TAPT1: variants seen among roughly 807,000 people sequenced by gnomAD.
TAPT1 encodes the protein transmembrane anterior posterior transformation protein 1 homolog.
TAPT1 carries 28 observed loss-of-function variants against 65.6 expected under a neutral mutation model. That is an observed-to-expected ratio of 0.43 (90% CI 0.32 to 0.59). TAPT1 has a LOEUF of 0.59. TAPT1 is among the 20% of genes least tolerant of loss of function. The pLI is 0.09. For synonymous variants in TAPT1, 278 were observed against 245.2 expected, an observed-to-expected ratio of 1.13 and a Z score of -1.25; for missense variants, 563 against 679.9, an observed-to-expected ratio of 0.83 and a Z score of 1.91.
intron 7 of TAPT1, among the ~76,000 whole-genome samples, chr4:16,181,959 ATGAAGGATG>A (rs1449510905): frequency 6.6e-6 from 1 of 152,252 alleles, no homozygotes; most frequent in African/African-American, 2.4e-5. Flanking sequence ...ATTTTATAAG[ATGAAGGATG>A]TGAAGGATGG....
At chr4:16,200,806 GA>G (rs762862190) in intron 3 of TAPT1, among the ~76,000 whole-genome samples, 4 of 152,162 alleles carry the variant, frequency 2.6e-5, no homozygotes, top group Non-Finnish European at 5.9e-5. Context: ...AGTGATAAAA[GA>G]AAATAGTTTA....
chr4:16,217,053 C>T (rs1416368523), intron 1 of TAPT1, among the ~76,000 whole-genome samples: 1 of 152,190 alleles, frequency 6.6e-6, no homozygotes, highest in Non-Finnish European at 1.5e-5. Flanking sequence ...AATGGGTTCA[C>T]ACTGCTCCTT....
intron 2 of TAPT1, among the ~76,000 whole-genome samples, chr4:16,204,112 A>G (rs1165398744): frequency 6.6e-6 from 1 of 152,222 alleles, no homozygotes; most frequent in Non-Finnish European, 1.5e-5. Flanking sequence ...TTACTCTCCT[A>G]TCACTGAGAA....
intron 13 of TAPT1, 78 bp from the exon 14 acceptor site, chr4:16,163,615 G>T: frequency 8.2e-7 from 1 of 1,218,278 alleles, no homozygotes; most frequent in Non-Finnish European, 1.1e-6. Flanking sequence ...CCAATACAGT[G>T]GTGCTGAAAA....
chr4:16,213,686 T>C (rs1028167557), intron 2 of TAPT1, 82 bp downstream of exon 2: 2 of 1,226,520 alleles, frequency 1.6e-6, no homozygotes, highest in Non-Finnish European at 2.2e-6. Context: ...AACTCAACTC[T>C]AGCTGTTGAC....
rs183997261 is a variant in TAPT1 at position 16,161,468 on chromosome 4, G to A, written c.*1840C>T. Reference sequence around the variant, plus strand: ...AGCGCAGTAACAGAATAATTCAAGCGGAACTGAAGATCTATCCAAACCATG... The same window carrying A: ...AGCGCAGTAACAGAATAATTCAAGCAGAACTGAAGATCTATCCAAACCATG... On this transcript the variant is annotated 3_prime_UTR_variant, in exon 14 of 14. Coordinates refer to ENST00000405303, the MANE Select transcript of TAPT1 (RefSeq NM_153365.3). 5.2e-5 allele frequency: 8 copies of A among 152,668 alleles called. No homozygotes were observed. Among genetic ancestry groups the A allele is most frequent in the Non-Finnish European group, 8.8e-5 (6 of 68,002 alleles). 9.5% of individuals were successfully genotyped at this position (152,668 alleles called of 1,614,324 possible). A position where few individuals can be genotyped will look rare whatever the true frequency, so the allele number is the denominator to read the frequency against.
At chr4:16,174,766 G>C in intron 9 of TAPT1, 37 bp from the exon 10 acceptor site, 1 of 1,397,034 alleles carries the variant, frequency 7.2e-7, no homozygotes, top group Non-Finnish European at 9.7e-7. Flanking sequence ...AAGTAATACA[G>C]TAAAAATATA....
chr4:16,163,569 A>C (rs1027418557), intron 13 of TAPT1, 32 bp from the exon 14 acceptor site: 23 of 1,516,498 alleles, frequency 1.5e-5, no homozygotes, highest in Non-Finnish European at 2.0e-5. Flanking sequence ...AAATTAGAGA[A>C]AGACTTTTCT....
chr4:16,164,587 A>G (rs1456375921), intron 13 of TAPT1, among the ~76,000 whole-genome samples: 1 of 152,118 alleles, frequency 6.6e-6, no homozygotes, highest in Non-Finnish European at 1.5e-5. Context: ...AGTGACGCTT[A>G]CTAACTTTTT....
At chr4:16,169,665 C>T (rs796513518) in intron 12 of TAPT1, among the ~76,000 whole-genome samples, 15 of 152,330 alleles carry the variant, frequency 9.8e-5, no homozygotes, top group African/African-American at 3.6e-4. Context: ...GGCCTGAGCC[C>T]GCTACTGCAG....
Position 16,163,411 on chromosome 4 carries a change from T to C in TAPT1, c.1601A>G (p.Glu534Gly). 4 of 1,613,990 alleles carry C rather than the reference T, an allele frequency of 2.5e-6. No individual in the cohort carries two copies. In the South Asian group the frequency reaches 4.4e-5, roughly 18 times the overall value. The change falls in exon 14 of 14, where the codon GAG becomes GGG. Residue 534 changes from glutamate (E) to glycine (G), a missense_variant. Glu to Gly is a moderately conservative substitution (Grantham distance 98, BLOSUM62 -2). Coordinates refer to ENST00000405303, the MANE Select transcript of TAPT1 (RefSeq NM_153365.3). Reference protein sequence around the residue: ...DQFLTTPDGDEKDITQDNSEL... With the variant: ...DQFLTTPDGDGKDITQDNSEL... ...AGAATTGTCCTGCGTTATGTCCTTCTCGTCACCATCTGGAGTTGTCAAAAA... is the reference window on the plus strand; with the variant it reads ...AGAATTGTCCTGCGTTATGTCCTTCCCGTCACCATCTGGAGTTGTCAAAAA...
chr4:16,170,580 G>C, intron 12 of TAPT1, 73 bp downstream of exon 12: 1 of 1,054,722 alleles, frequency 9.5e-7, no homozygotes, highest in Non-Finnish European at 1.4e-6. Context: ...TGATTGGGAT[G>C]CTACTAACTT....
intron 10 of TAPT1, 109 bp from the exon 11 acceptor site, chr4:16,174,381 G>A: frequency 1.1e-6 from 1 of 949,188 alleles, no homozygotes; most frequent in African/African-American, 1.7e-5. Flanking sequence ...AGGCTATGGA[G>A]CAAGAACAGA....
At chr4:16,163,617 T>G in intron 13 of TAPT1, 80 bp from the exon 14 acceptor site, 2 of 1,211,210 alleles carry the variant, frequency 1.7e-6, no homozygotes, top group Non-Finnish European at 2.3e-6. Flanking sequence ...AATACAGTGG[T>G]GCTGAAAAAA....
At chr4:16,226,510 G>A (rs1374673546), upstream of TAPT1, 2 of 997,810 alleles carry the variant, frequency 2.0e-6, no homozygotes, top group Non-Finnish European at 2.4e-6. Flanking sequence ...TCTGCCTCCG[G>A]CCGGCCCCCT....
At chr4:16,206,856 G>C (rs895531246) in intron 2 of TAPT1, among the ~76,000 whole-genome samples, 1 of 152,222 alleles carries the variant, frequency 6.6e-6, no homozygotes, top group Non-Finnish European at 1.5e-5. Flanking sequence ...AAATGTGCTA[G>C]AGGCCTAAAG....
At position 16,186,554 on chromosome 4, in the gene TAPT1, G is replaced by A; in HGVS notation, c.897C>T (p.Leu299=). ...ACATACCGCTATTTGACATTTGAAAGAGATTGTTCTTTTCAAACTTCTTGA... is the reference window on the plus strand; with the variant it reads ...ACATACCGCTATTTGACATTTGAAAAAGATTGTTCTTTTCAAACTTCTTGA... ...SVFKKFEKNN[L]FQMSNSDIKE... is the part of the protein sequence containing the mutation. The change falls in exon 7 of 14, where the codon CTC becomes CTT. Residue 299 remains leucine, a synonymous_variant. Transcript: ENST00000405303. 2 of 1,533,650 alleles carry A rather than the reference G, an allele frequency of 1.3e-6. No homozygotes were observed. Among genetic ancestry groups the A allele is most frequent in the Non-Finnish European group, 1.8e-6 (2 of 1,130,040 alleles).
At chr4:16,205,550 T>C (rs986420173) in intron 2 of TAPT1, among the ~76,000 whole-genome samples, 3 of 152,162 alleles carry the variant, frequency 2.0e-5, no homozygotes, top group African/African-American at 4.8e-5. Flanking sequence ...AGATGAATGA[T>C]GTGCTCTGGA....
intron 12 of TAPT1, among the ~76,000 whole-genome samples, chr4:16,169,265 C>T (rs865881227): frequency 2.7e-4 from 41 of 152,324 alleles, no homozygotes; most frequent in Middle Eastern, 6.8e-3. Flanking sequence ...GCACATACCC[C>T]TGGATGAACT....
Sources: gnomAD v4.1 joint callset for allele counts (sites outside exome capture counted in the v4.1 genomes callset) on GRCh38, gnomAD v4.1.1 for gene constraint, MANE v1.5 for transcripts, NCBI Gene and HGNC (gene_info 2026-07-23, HGNC 2026-07-21) for gene names.